Variants in PLD5 observed in about 807,000 individuals in gnomAD.
The protein encoded by PLD5 is inactive phospholipase D5.
A neutral mutation model predicts 61.1 loss-of-function variants in PLD5; 36 were observed. The observed-to-expected ratio is 0.59, with a 90% CI of 0.45 to 0.78. The LOEUF (loss-of-function observed/expected upper bound fraction) is 0.78, where lower values mean the gene tolerates loss of function less well. Ranked by LOEUF, PLD5 falls within the 30% of genes least tolerant of loss-of-function variation. PLD5 has a pLI of 0.00. For synonymous variants in PLD5, 243 were observed against 242.8 expected (o/e 1.00, Z -0.01); for missense variants, 515 against 644.4 (o/e 0.80, Z 2.17).
At chr1:242,096,482 C>G (rs1660241116) in intron 9 of PLD5, among the ~76,000 whole-genome samples, 1 of 152,162 alleles carries the variant, frequency 6.6e-6, no homozygotes, top group South Asian at 2.1e-4. Context: ...GCTGGGATTA[C>G]AGGCATATGC....
chr1:242,098,747 TC>T (rs1660453644), intron 9 of PLD5, among the ~76,000 whole-genome samples: 1 of 152,218 alleles, frequency 6.6e-6, no homozygotes, highest in Non-Finnish European at 1.5e-5. Flanking sequence ...GGTGTGGATG[TC>T]CTTTCTGTTT....
chr1:242,118,563 C>T (rs532013515), intron 6 of PLD5, among the ~76,000 whole-genome samples: 3 of 152,296 alleles, frequency 2.0e-5, no homozygotes, highest in African/African-American at 7.2e-5. Context: ...ACTTATGGAA[C>T]GAATGTGAAA....
At chr1:242,200,004 G>A (rs1172196284) in intron 5 of PLD5, among the ~76,000 whole-genome samples, 1 of 152,172 alleles carries the variant, frequency 6.6e-6, no homozygotes, top group East Asian at 1.9e-4. Flanking sequence ...ATTGCCCAGA[G>A]CTAAGAGTTT....
At chr1:242,519,201 T>G (rs979335022) in intron 1 of PLD5, among the ~76,000 whole-genome samples, 2 of 152,234 alleles carry the variant, frequency 1.3e-5, no homozygotes, top group Admixed American at 1.3e-4. Context: ...TACAGTATTT[T>G]CATGGATCTG....
chr1:242,229,269 C>G (rs1671146880), intron 4 of PLD5, among the ~76,000 whole-genome samples: 1 of 152,188 alleles, frequency 6.6e-6, no homozygotes, highest in Non-Finnish European at 1.5e-5. Flanking sequence ...TGAAATCAAA[C>G]AGAATTTATC....
chr1:242,362,319 A>C (rs1234698408), intron 1 of PLD5, among the ~76,000 whole-genome samples: 3 of 152,176 alleles, frequency 2.0e-5, no homozygotes, highest in Non-Finnish European at 4.4e-5. Context: ...TGGGTATTTA[A>C]TTTAGGTCTA....
intron 5 of PLD5, among the ~76,000 whole-genome samples, chr1:242,207,429 C>T (rs191777075): frequency 1.3e-5 from 2 of 152,184 alleles, no homozygotes; most frequent in African/African-American, 2.4e-5. Flanking sequence ...CTACCCTGGG[C>T]ATCTGCATTG....
At chr1:242,527,440 T>A (rs773190281), upstream of PLD5, among the ~76,000 whole-genome samples, 2 of 152,152 alleles carry the variant, frequency 1.3e-5, no homozygotes, top group African/African-American at 4.8e-5. Context: ...CCGGCCAATC[T>A]CTATTTTTTG....
In PLD5 at chr1:242,256,250, G is replaced by A. The variant is rs998051510; in HGVS notation, c.607+9087C>T. Among the ~76,000 whole-genome samples, 2 of 152,168 alleles carry A rather than the reference G, an allele frequency of 1.3e-5. No homozygotes were observed. Among genetic ancestry groups the A allele is most frequent in the Non-Finnish European group, 2.9e-5 (2 of 68,026 alleles). On this transcript the variant is annotated intron_variant, in intron 4 of 9. Transcript: ENST00000536534. This position sits in a 1 kb window ranked among gnomAD's most constrained non-coding sequence, Gnocchi z 5.7. ...AGAGTTCACCCCAAGAGCATGCTTT[G>A]TATTGCCTTTATAAACAAAAAGTAA...
At chr1:242,198,157 C>G (rs866810639) in intron 5 of PLD5, among the ~76,000 whole-genome samples, 1 of 152,152 alleles carries the variant, frequency 6.6e-6, no homozygotes, top group African/African-American at 2.4e-5. Flanking sequence ...GGAAATGACA[C>G]TAGTTTGCGG....
intron 9 of PLD5, among the ~76,000 whole-genome samples, chr1:242,094,676 G>A (rs2148654665): frequency 6.6e-6 from 1 of 152,178 alleles, no homozygotes; most frequent in African/African-American, 2.4e-5. Flanking sequence ...ATTATAGAGG[G>A]AAGAAGAAAG....
intron 4 of PLD5, among the ~76,000 whole-genome samples, chr1:242,229,907 T>TG (rs531911226): frequency 7.1e-6 from 1 of 140,494 alleles, no homozygotes; most frequent in African/African-American, 2.6e-5. Context: ...AAAATATTGA[T>TG]AAAAAAAAAA....
Position 242,256,537 on chromosome 1 carries a change from C to T in PLD5, c.607+8800G>A, listed in dbSNP as rs922330395. 6.6e-5 allele frequency among the ~76,000 whole-genome samples: 10 copies of T among 152,066 alleles called. No individual in the cohort carries two copies. Among genetic ancestry groups the T allele is most frequent in the East Asian group, 1.9e-4 (1 of 5,190 alleles). ...TTCTTTTGTGCCCTTCTGTCTTATC[C>T]GCCACGTGAGGACACAGCGTTTGTT... On this transcript the variant is annotated intron_variant, in intron 4 of 9. Coordinates refer to ENST00000536534, the MANE Select transcript of PLD5 (RefSeq NM_001372062.1). The surrounding 1 kb of genome is among the most constrained non-coding windows in gnomAD (Gnocchi z 5.7).
chr1:242,293,935 C>T (rs1675511418), intron 2 of PLD5, among the ~76,000 whole-genome samples: 1 of 152,110 alleles, frequency 6.6e-6, no homozygotes, highest in Admixed American at 6.5e-5. Flanking sequence ...TTTTAAAAAC[C>T]AACAGCTGGC....
intron 1 of PLD5, among the ~76,000 whole-genome samples, chr1:242,392,739 G>A (rs932437328): frequency 6.6e-6 from 1 of 152,156 alleles, no homozygotes; most frequent in Admixed American, 6.5e-5. Context: ...GTGGGTGGGA[G>A]GGTAGGAAGG....
At chr1:242,170,685 G>C (rs1666682485) in intron 5 of PLD5, among the ~76,000 whole-genome samples, 1 of 152,172 alleles carries the variant, frequency 6.6e-6, no homozygotes, top group South Asian at 2.1e-4. Flanking sequence ...TTGGTAACTA[G>C]AATAACCAGT....
At chr1:242,498,123 C>T (rs192424684) in intron 1 of PLD5, among the ~76,000 whole-genome samples, 25 of 152,184 alleles carry the variant, frequency 1.6e-4, no homozygotes, top group African/African-American at 5.8e-4. Flanking sequence ...TGCCACCATG[C>T]CAGGCTAATT....
chr1:242,426,822 A>G (rs1157179153), intron 1 of PLD5, among the ~76,000 whole-genome samples: 2 of 152,208 alleles, frequency 1.3e-5, no homozygotes, highest in African/African-American at 4.8e-5. Context: ...GTTAGGCTGC[A>G]TTTCCCAGCC....
At chr1:242,359,293 CCT>C (rs1259859715) in intron 1 of PLD5, among the ~76,000 whole-genome samples, 1 of 152,092 alleles carries the variant, frequency 6.6e-6, no homozygotes, top group East Asian at 1.9e-4. Flanking sequence ...TACCTCCTCA[CCT>C]CTCTTTTTTG....
Sources: gnomAD v4.1 joint callset for allele counts (sites outside exome capture counted in the v4.1 genomes callset) on GRCh38, gnomAD v4.1.1 for gene constraint, Gnocchi (gnomAD v3.1) non-coding constraint, MANE v1.5 for transcripts, NCBI Gene and HGNC (gene_info 2026-07-23, HGNC 2026-07-21) for gene names.